The following SNTG1 variants were observed in gnomAD, a reference collection of about 807,000 sequenced individuals.
The protein encoded by SNTG1 is syntrophin gamma 1.
A neutral mutation model predicts 74.7 loss-of-function variants in SNTG1; 39 were observed. The observed-to-expected ratio is 0.52, with a 90% CI of 0.40 to 0.68. The LOEUF is 0.68. SNTG1 is among the 30% of genes least tolerant of loss of function. SNTG1 has a pLI of 0.00. For missense variants in SNTG1, 685 were observed against 609.5 expected, an observed-to-expected ratio of 1.12 and a Z score of -1.30; for synonymous variants, 254 against 217.1, an observed-to-expected ratio of 1.17 and a Z score of -1.49.
Position 50,449,652 on chromosome 8 carries a change from G to C in SNTG1, c.220-16G>C. ...TTTTAGATTAAAAAGTACAATATAT[G>C]ATTTTCTCTTTTCAGGGAGGAGCAG... On this transcript the variant is annotated splice_polypyrimidine_tract_variant and intron_variant, in intron 5 of 18. Coordinates refer to ENST00000642720, the MANE Select transcript of SNTG1 (RefSeq NM_018967.5). 6.3e-7 allele frequency: 1 copy of C among 1,577,830 alleles called. No individual in the cohort carries two copies. Among genetic ancestry groups the C allele is most frequent in the Non-Finnish European group, 8.6e-7 (1 of 1,161,072 alleles).
intron 9 of SNTG1, among the ~76,000 whole-genome samples, chr8:50,508,860 T>A (rs898747638): frequency 6.6e-6 from 1 of 152,192 alleles, no homozygotes; most frequent in African/African-American, 2.4e-5. Flanking sequence ...TTTTCTCCCC[T>A]TCTGTAGGCT....
At chr8:50,513,383 A>G (rs1339694561) in intron 9 of SNTG1, among the ~76,000 whole-genome samples, 1 of 152,236 alleles carries the variant, frequency 6.6e-6, no homozygotes, top group African/African-American at 2.4e-5. Flanking sequence ...TTGAGGAGAC[A>G]GTCTGTCCAT....
At chr8:50,447,340 C>T (rs1417789776) in intron 5 of SNTG1, among the ~76,000 whole-genome samples, 3 of 152,188 alleles carry the variant, frequency 2.0e-5, no homozygotes, top group Non-Finnish European at 2.9e-5. Context: ...ACTCTGATAA[C>T]AGCCTCACTG....
chr8:50,004,198 T>C (rs1385027830), intron 1 of SNTG1, among the ~76,000 whole-genome samples: 2 of 152,140 alleles, frequency 1.3e-5, no homozygotes, highest in African/African-American at 4.8e-5. Context: ...CCTCACATAG[T>C]TGTAATAATG....
intron 1 of SNTG1, among the ~76,000 whole-genome samples, chr8:49,919,821 C>T (rs1182987839): frequency 6.6e-6 from 1 of 152,012 alleles, no homozygotes; most frequent in African/African-American, 2.4e-5. Flanking sequence ...CTTAGCTAGA[C>T]TATTTCCCTT....
chr8:50,695,224 A>T (rs371841305), intron 15 of SNTG1, among the ~76,000 whole-genome samples: 1 of 151,852 alleles, frequency 6.6e-6, no homozygotes, highest in Admixed American at 6.6e-5. Flanking sequence ...CACAAAAAAA[A>T]CCGTTAAAAA....
chr8:50,448,693 G>A (rs893651374), intron 5 of SNTG1, among the ~76,000 whole-genome samples: 22 of 152,044 alleles, frequency 1.4e-4, no homozygotes, highest in Middle Eastern at 3.4e-3. Context: ...CATAAGTTTA[G>A]CTTACTTGTC....
chr8:50,704,535 G>A, intron 15 of SNTG1, 65 bp from the exon 16 acceptor site: 2 of 1,607,616 alleles, frequency 1.2e-6, no homozygotes, highest in Non-Finnish European at 1.7e-6. Flanking sequence ...GGTCCAGTCA[G>A]GAATGGCCAG....
intron 13 of SNTG1, among the ~76,000 whole-genome samples, chr8:50,625,209 A>G (rs374860754): frequency 1.8e-4 from 27 of 152,324 alleles, no homozygotes; most frequent in African/African-American, 5.8e-4. Flanking sequence ...GAAGAAACTG[A>G]GCAGAACTAC....
chr8:50,779,078 C>G (rs950113286), intron 18 of SNTG1, among the ~76,000 whole-genome samples: 1 of 152,102 alleles, frequency 6.6e-6, no homozygotes, highest in Non-Finnish European at 1.5e-5. Flanking sequence ...GTTTTGGTAC[C>G]AGTACCATGC....
intron 15 of SNTG1, among the ~76,000 whole-genome samples, chr8:50,689,761 A>G (rs910809632): frequency 2.0e-5 from 3 of 152,206 alleles, no homozygotes; most frequent in Admixed American, 6.5e-5. Flanking sequence ...TGCTGGCCTC[A>G]TAAAATGAGT....
At chr8:50,754,390 C>G (rs184977523) in intron 18 of SNTG1, among the ~76,000 whole-genome samples, 221 of 151,988 alleles carry the variant, frequency 1.5e-3, no homozygotes, top group African/African-American at 4.9e-3. Flanking sequence ...TTTGGTTCTG[C>G]TCATCATAGT....
chr8:49,988,130 A>G (rs1585785861), intron 1 of SNTG1, among the ~76,000 whole-genome samples: 1 of 152,160 alleles, frequency 6.6e-6, no homozygotes, highest in Non-Finnish European at 1.5e-5. Context: ...GACTCCAGAG[A>G]AATAATCTAA....
At chr8:50,407,644 C>G (rs2092896299) in intron 4 of SNTG1, among the ~76,000 whole-genome samples, 1 of 152,194 alleles carries the variant, frequency 6.6e-6, no homozygotes, top group South Asian at 2.1e-4. Context: ...ACAGTTCAGT[C>G]AAGCTCCTCT....
At chr8:50,485,205 G>C (rs1188632150) in intron 8 of SNTG1, among the ~76,000 whole-genome samples, 1 of 152,142 alleles carries the variant, frequency 6.6e-6, no homozygotes, top group Non-Finnish European at 1.5e-5. Flanking sequence ...CAGGTTGTGT[G>C]GGCAGGGTTG....
At chr8:49,927,192 G>A (rs1807107176) in intron 1 of SNTG1, among the ~76,000 whole-genome samples, 1 of 152,040 alleles carries the variant, frequency 6.6e-6, no homozygotes, top group African/African-American at 2.4e-5. Flanking sequence ...ATACAGTTGG[G>A]GACTTTTTTA....
At chr8:50,333,747 C>T (rs1198155808) in intron 2 of SNTG1, among the ~76,000 whole-genome samples, 1 of 152,156 alleles carries the variant, frequency 6.6e-6, no homozygotes, top group Non-Finnish European at 1.5e-5. Flanking sequence ...CCAAACATTT[C>T]TTAACGTTCC....
At chr8:50,221,258 G>A (rs867811455) in intron 2 of SNTG1, among the ~76,000 whole-genome samples, 1 of 151,950 alleles carries the variant, frequency 6.6e-6, no homozygotes, top group Non-Finnish European at 1.5e-5. Context: ...GAAATGTATA[G>A]CCTTTAATGT....
At chr8:50,091,979 TA>T in intron 1 of SNTG1, among the ~76,000 whole-genome samples, 1 of 151,970 alleles carries the variant, frequency 6.6e-6, no homozygotes, top group East Asian at 1.9e-4. Context: ...ACGCCCAGTC[TA>T]AAAAAAACAA....
Sources: allele counts gnomAD v4.1 joint callset (sites outside exome capture counted in the v4.1 genomes callset), GRCh38; gene constraint gnomAD v4.1.1; transcripts MANE v1.5; gene names NCBI Gene and HGNC (gene_info 2026-07-23, HGNC 2026-07-21).